Variants in MCMDC2 observed in about 807,000 individuals in gnomAD.
MCMDC2 encodes the protein minichromosome maintenance domain-containing protein 2.
MCMDC2 carries 54 observed loss-of-function variants against 75.8 expected under a neutral mutation model. The observed-to-expected ratio is 0.71, with a 90% CI of 0.57 to 0.89. The LOEUF (loss-of-function observed/expected upper bound fraction) is 0.89, where lower values mean the gene tolerates loss of function less well. Ranked by LOEUF, MCMDC2 falls within the 40% of genes least tolerant of loss-of-function variation. The pLI is 0.00. For synonymous variants in MCMDC2, 249 were observed against 274.6 expected, an observed-to-expected ratio of 0.91 and a Z score of 0.92; for missense variants, 656 against 780.4, an observed-to-expected ratio of 0.84 and a Z score of 1.90.
Position 66,872,544 on chromosome 8 carries a change from CAT to C in MCMDC2, c.-88-1504_-88-1503del. ...ACTTAAATTGCCATGTAACTGTTTACATATATGTCTTCTCTCACTGCACTCTT... is the reference window on the plus strand; with the variant it reads ...ACTTAAATTGCCATGTAACTGTTTACATATGTCTTCTCTCACTGCACTCTT... On this transcript the variant is annotated intron_variant, in intron 1 of 14. Coordinates refer to ENST00000422365, the MANE Select transcript of MCMDC2 (RefSeq NM_173518.5). Among the ~76,000 whole-genome samples, 3 of 152,222 alleles carry C rather than the reference CAT, an allele frequency of 2.0e-5. No individual in the cohort carries two copies. The South Asian group carries it at 6.2e-4, about 32-fold the overall frequency.
intron 10 of MCMDC2, among the ~76,000 whole-genome samples, chr8:66,893,299 AG>A (rs763780390): frequency 5.3e-5 from 8 of 152,238 alleles, no homozygotes; most frequent in Non-Finnish European, 1.2e-4. Flanking sequence ...GCTGGAGGCC[AG>A]GAGTTCTAGA....
intron 14 of MCMDC2, among the ~76,000 whole-genome samples, chr8:66,908,362 T>C (rs1812984470): frequency 6.6e-6 from 1 of 152,194 alleles, no homozygotes; most frequent in Non-Finnish European, 1.5e-5. Flanking sequence ...GTCAGGTTTA[T>C]TGAAGATTAT....
chr8:66,872,309 C>T (rs895697238), intron 1 of MCMDC2, among the ~76,000 whole-genome samples: 2 of 152,156 alleles, frequency 1.3e-5, no homozygotes, highest in Admixed American at 6.5e-5. Flanking sequence ...TTCACCTCTC[C>T]TCCAATTAGT....
intron 14 of MCMDC2, among the ~76,000 whole-genome samples, chr8:66,910,183 A>C (rs1472491084): frequency 5.3e-5 from 8 of 152,344 alleles, no homozygotes; most frequent in African/African-American, 1.9e-4. Flanking sequence ...GCAGGGATGT[A>C]GCCCTCATGG....
rs115824173 is a variant in MCMDC2 at position 66,892,502 on chromosome 8, G to A, written c.1279+1432G>A. The stretch of plus-strand genomic sequence containing the variant: ...TTATTGCATGGCAGAACAGCTTTCA[G>A]TGGACAGGAGACCTGAAGTGGGTAG... On this transcript the variant is annotated intron_variant, in intron 10 of 14. Transcript: ENST00000422365. Among the ~76,000 whole-genome samples, 486 of 152,364 alleles carry A rather than the reference G, an allele frequency of 3.2e-3. 2 individuals are homozygous for A. Among genetic ancestry groups the A allele is most frequent in the African/African-American group, 0.01 (434 of 41,596 alleles).
At position 66,874,562 on chromosome 8, in the gene MCMDC2, T is replaced by C; in HGVS notation, c.261T>C (p.Ile87=). 6.2e-7 allele frequency: 1 copy of C among 1,613,274 alleles called. No homozygotes were observed. The change falls in exon 4 of 15, where the codon ATT becomes ATC. Residue 87 remains isoleucine, a synonymous_variant. Transcript: ENST00000422365. ...TTGCTGTTAAGACTCTCTCATTAAT[T>C]GGACAATTGCAGACTGAAACGCAAG... ...CFIAVKTLSL[I]GQLQTETQIN...
rs1467425752 is a variant in MCMDC2 at position 66,902,711 on chromosome 8, A to AAAAAAT, written c.1769+1364_1769+1365insAAAATA. On this transcript the variant is annotated intron_variant, in intron 13 of 14. Coordinates refer to ENST00000422365, the MANE Select transcript of MCMDC2 (RefSeq NM_173518.5). Reference sequence around the variant, plus strand: ...CTGTCTCAAAAAAAAAAAAAAAAAAAATATATATATATATATATATATATA... The same window carrying AAAAAAT: ...CTGTCTCAAAAAAAAAAAAAAAAAAAAAAAATATATATATATATATATATATATATA... 1.4e-3 allele frequency among the ~76,000 whole-genome samples: 93 copies of AAAAAAT among 67,902 alleles called. 1 individual carries two copies. The highest frequency in any genetic ancestry group is 1.9e-3 in the Non-Finnish European group (74 of 39,760). The allele number at this position is 67,902 out of a possible 152,430, so 44.5% of individuals were successfully genotyped here.
At position 66,902,711 on chromosome 8, in the gene MCMDC2, AATATATATATATAT is replaced by A. The variant is rs1231949044; in HGVS notation, c.1769+1381_1769+1394del. 5.3e-4 allele frequency among the ~76,000 whole-genome samples: 36 copies of A among 67,926 alleles called. 2 individuals carry two copies. The highest frequency in any genetic ancestry group is 6.6e-4 in the African/African-American group (9 of 13,688). 44.6% of individuals were successfully genotyped at this position (67,926 alleles called of 152,430 possible). A position where few individuals can be genotyped will look rare whatever the true frequency, so the allele number is the denominator to read the frequency against. On this transcript the variant is annotated intron_variant, in intron 13 of 14. Transcript: ENST00000422365. ...CTGTCTCAAAAAAAAAAAAAAAAAA[AATATATATATATAT>A]ATATATATATATATATACATATATC... is the stretch of plus-strand genomic sequence containing the variant.
intron 1 of MCMDC2, among the ~76,000 whole-genome samples, 157 bp from the exon 2 acceptor site, chr8:66,873,896 A>G (rs952868020): frequency 2.6e-5 from 4 of 152,142 alleles, no homozygotes; most frequent in African/African-American, 9.7e-5. Flanking sequence ...CAAAAAAAAA[A>G]AGAAGTTATT....
At chr8:66,915,366 C>T (rs1281628750) in intron 14 of MCMDC2, among the ~76,000 whole-genome samples, 2 of 151,220 alleles carry the variant, frequency 1.3e-5, no homozygotes, top group Non-Finnish European at 2.9e-5. Context: ...GCAGGAGAAT[C>T]GCTTGAATCT....
intron 13 of MCMDC2, 124 bp from the exon 14 acceptor site, chr8:66,905,102 T>A (rs1360487803): frequency 1.6e-5 from 12 of 747,400 alleles, no homozygotes; most frequent in Non-Finnish European, 2.2e-5. Context: ...TAAAAATTTT[T>A]TTAAAGTAAG....
At chr8:66,874,622 A>T in intron 4 of MCMDC2, 36 bp downstream of exon 4, 1 of 1,539,428 alleles carries the variant, frequency 6.5e-7, no homozygotes, top group Non-Finnish European at 8.8e-7. Context: ...ACTCAGGTAC[A>T]GATTTACATG....
At position 66,878,607 on chromosome 8, in the gene MCMDC2, C is replaced by T. The variant is rs747914471; in HGVS notation, c.515C>T (p.Ala172Val). ...TATATAAGAGTGCATGTGCCTGGTGCTACAGAATCTGCAACGATAAGAAAT... is the reference window on the plus strand; with the variant it reads ...TATATAAGAGTGCATGTGCCTGGTGTTACAGAATCTGCAACGATAAGAAAT... ...FQYIRVHVPGATESATIRNDF... is the reference protein window; with the variant it reads ...FQYIRVHVPGVTESATIRNDF... The change falls in exon 6 of 15, where the codon GCT (alanine) becomes GTT (valine). Residue 172 changes from alanine to valine, a missense_variant. Ala to Val is a moderately conservative substitution (Grantham distance 64). Transcript: ENST00000422365. 2 of 1,574,918 alleles carry T rather than the reference C, an allele frequency of 1.3e-6. No individual in the cohort carries two copies. Among genetic ancestry groups the T allele is most frequent in the South Asian group, 2.5e-5 (2 of 80,638 alleles).
chr8:66,897,605 T>C (rs991003617), intron 12 of MCMDC2, among the ~76,000 whole-genome samples: 2 of 152,184 alleles, frequency 1.3e-5, no homozygotes, highest in Non-Finnish European at 2.9e-5. Flanking sequence ...AAAATTATAA[T>C]AGGCTATATA....
At chr8:66,899,732 G>A (rs1051958302) in intron 12 of MCMDC2, among the ~76,000 whole-genome samples, 12 of 151,812 alleles carry the variant, frequency 7.9e-5, no homozygotes, top group African/African-American at 1.5e-4. Flanking sequence ...TCTTGACCTC[G>A]TGATCTACCC....
intron 13 of MCMDC2, among the ~76,000 whole-genome samples, chr8:66,901,989 G>C (rs886709074): frequency 6.6e-6 from 1 of 152,102 alleles, no homozygotes; most frequent in African/African-American, 2.4e-5. Context: ...TGTAATCCCA[G>C]CACTTTAGGA....
chr8:66,878,057 C>A (rs1313522514), intron 5 of MCMDC2, among the ~76,000 whole-genome samples: 1 of 151,806 alleles, frequency 6.6e-6, no homozygotes, highest in Non-Finnish European at 1.5e-5. Context: ...AACAAGTGCA[C>A]CTATATTGCT....
intron 9 of MCMDC2, 80 bp downstream of exon 9, chr8:66,884,074 G>A: frequency 1.1e-6 from 1 of 892,060 alleles, no homozygotes; most frequent in Non-Finnish European, 1.8e-6. Context: ...ATTATTACAA[G>A]AAGAATATTT....
At chr8:66,898,364 G>A (rs753598613) in intron 12 of MCMDC2, among the ~76,000 whole-genome samples, 1 of 151,946 alleles carries the variant, frequency 6.6e-6, no homozygotes, top group Non-Finnish European at 1.5e-5. Flanking sequence ...GGTGGCTCAC[G>A]CCTGTAATCC....
Sources: allele counts gnomAD v4.1 joint callset (sites outside exome capture counted in the v4.1 genomes callset), GRCh38; gene constraint gnomAD v4.1.1; transcripts MANE v1.5; gene names NCBI Gene and HGNC (gene_info 2026-07-23, HGNC 2026-07-21).